Variants in DENND1B observed in about 807,000 individuals in gnomAD.
The protein encoded by DENND1B is DENN domain containing 1B.
DENND1B carries 59 observed loss-of-function variants against 90.1 expected under a neutral mutation model. The observed-to-expected ratio is 0.65, with a 90% CI of 0.53 to 0.81. DENND1B has a LOEUF of 0.81. DENND1B is among the 40% of genes least tolerant of loss of function. DENND1B has a pLI of 0.00. For missense variants in DENND1B, 862 were observed against 912.6 expected (o/e 0.94, Z 0.71); for synonymous variants, 337 against 324.6 (o/e 1.04, Z -0.41).
intron 14 of DENND1B, among the ~76,000 whole-genome samples, chr1:197,593,677 T>G (rs1675438077): frequency 6.6e-6 from 1 of 152,056 alleles, no homozygotes; most frequent in South Asian, 2.1e-4. Flanking sequence ...AAACTGATAG[T>G]TTAAATCATT....
At chr1:197,638,872 A>AT (rs903204555) in intron 10 of DENND1B, among the ~76,000 whole-genome samples, 10 of 8,386 alleles carry the variant, frequency 1.2e-3, no homozygotes, top group East Asian at 0.056. Flanking sequence ...AATCAACAGA[A>AT]TAAAAAAAAA....
At chr1:197,780,302 A>G (rs1480264032), upstream of DENND1B, among the ~76,000 whole-genome samples, 4 of 151,954 alleles carry the variant, frequency 2.6e-5, no homozygotes, top group African/African-American at 9.7e-5. Context: ...AAAAACCCTA[A>G]AGATGAAGAT....
At chr1:197,734,663 A>G (rs1662469351) in intron 2 of DENND1B, 1 of 985,200 alleles carries the variant, frequency 1.0e-6, no homozygotes, top group South Asian at 4.7e-5. Context: ...AAAACCCTAC[A>G]AACAGACAGC....
At chr1:197,550,240 G>T (rs1181536736) in intron 16 of DENND1B, among the ~76,000 whole-genome samples, 2 of 152,074 alleles carry the variant, frequency 1.3e-5, no homozygotes, top group Non-Finnish European at 2.9e-5. Flanking sequence ...ATCAGAGTAG[G>T]AAAGGGTTAA....
rs192202259 is a variant in DENND1B, at chr1:197,622,220, T to C, written c.673-4461A>G. On this transcript the variant is annotated intron_variant, in intron 10 of 22. Transcript: ENST00000620048. ...ACAAATGTTTACATAATGTTTACCATGTGCCAAGAACTGTTATGAGTACTT... is the reference window on the plus strand; with the variant it reads ...ACAAATGTTTACATAATGTTTACCACGTGCCAAGAACTGTTATGAGTACTT... Among the ~76,000 whole-genome samples, 22 of 151,558 alleles carry C rather than the reference T, an allele frequency of 1.5e-4. No homozygotes were observed. In the East Asian group the frequency reaches 3.9e-3, roughly 27 times the overall value.
intron 16 of DENND1B, 115 bp downstream of exon 16, chr1:197,552,907 A>G (rs764011387): frequency 4.2e-5 from 64 of 1,515,228 alleles, no homozygotes; most frequent in Non-Finnish European, 5.5e-5. Context: ...AAGACATTAC[A>G]TATTTAGGAG....
chr1:197,602,475 T>C (rs143254899), intron 13 of DENND1B, among the ~76,000 whole-genome samples: 13 of 151,672 alleles, frequency 8.6e-5, no homozygotes, highest in African/African-American at 3.1e-4. Flanking sequence ...TGAATCTTTC[T>C]AACCTGACCA....
chr1:197,635,056 T>G (rs541869020), intron 10 of DENND1B, among the ~76,000 whole-genome samples: 1 of 151,988 alleles, frequency 6.6e-6, no homozygotes, highest in Admixed American at 6.6e-5. Context: ...AAGGAGGAAG[T>G]AATCAGCACC....
chr1:197,734,696 A>G (rs1305843327), intron 2 of DENND1B: 2 of 985,102 alleles, frequency 2.0e-6, no homozygotes, highest in Non-Finnish European at 2.4e-6. Context: ...ATAAGGGTGT[A>G]ACTACTGTAT....
At chr1:197,538,859 G>T (rs1670115740) in intron 20 of DENND1B, among the ~76,000 whole-genome samples, 1 of 151,768 alleles carries the variant, frequency 6.6e-6, no homozygotes, top group South Asian at 2.1e-4. Context: ...CACCCTCTTG[G>T]GTGGGATTAG....
chr1:197,627,642 C>T (rs1678894009), intron 10 of DENND1B, among the ~76,000 whole-genome samples: 1 of 151,978 alleles, frequency 6.6e-6, no homozygotes. Context: ...CCTCTCTCAC[C>T]ACTCCTATTC....
chr1:197,747,042 A>G, intron 2 of DENND1B: 1 of 803,750 alleles, frequency 1.2e-6, no homozygotes, highest in South Asian at 1.3e-5. Context: ...CAAATCAATC[A>G]TTGACTCCAA....
chr1:197,547,909 T>C (rs1670935737), intron 16 of DENND1B, among the ~76,000 whole-genome samples: 1 of 152,220 alleles, frequency 6.6e-6, no homozygotes, highest in South Asian at 2.1e-4. Context: ...TCAGTTCATA[T>C]ACTTTTTACT....
At position 197,505,444 on chromosome 1, in the gene DENND1B, T is replaced by C. The variant is rs1667685939; in HGVS notation, c.*5016A>G. On this transcript the variant is annotated 3_prime_UTR_variant, in exon 23 of 23. Transcript: ENST00000620048. The stretch of plus-strand genomic sequence containing the variant: ...TTCATCATATCAAAGAAGTAATCAT[T>C]TGTGACTTTCCAATATTTTAAAATA... The C allele has an allele frequency of 6.6e-6, 1 of 151,684 alleles. No individual in the cohort carries two copies. Among genetic ancestry groups the C allele is most frequent in the Non-Finnish European group, 1.5e-5 (1 of 67,762 alleles). The allele number at this position is 151,684 out of a possible 1,614,324, so 9.4% of individuals were successfully genotyped here.
At chr1:197,650,846 T>C (rs923174083) in intron 7 of DENND1B, among the ~76,000 whole-genome samples, 5 of 152,062 alleles carry the variant, frequency 3.3e-5, no homozygotes, top group Non-Finnish European at 7.4e-5. Context: ...AATGATATAA[T>C]GGACTTTGGA....
chr1:197,615,509 A>C (rs1476680110), intron 11 of DENND1B, among the ~76,000 whole-genome samples: 1 of 151,048 alleles, frequency 6.6e-6, no homozygotes, highest in African/African-American at 2.4e-5. Context: ...TCAAATCTTC[A>C]TGACACTATT....
At chr1:197,632,495 C>T (rs1233074485) in intron 10 of DENND1B, among the ~76,000 whole-genome samples, 1 of 152,094 alleles carries the variant, frequency 6.6e-6, no homozygotes, top group Non-Finnish European at 1.5e-5. Context: ...TAATATCTCC[C>T]ATGTTAGAAT....
At chr1:197,619,001 A>C (rs1160347780) in intron 10 of DENND1B, among the ~76,000 whole-genome samples, 1 of 151,168 alleles carries the variant, frequency 6.6e-6, no homozygotes, top group Non-Finnish European at 1.5e-5. Context: ...AAAACCAAAA[A>C]TTTTTATTCA....
At chr1:197,773,326 C>G (rs1169058790) in intron 1 of DENND1B, among the ~76,000 whole-genome samples, 2 of 152,120 alleles carry the variant, frequency 1.3e-5, no homozygotes. Flanking sequence ...CAGAGTGTCC[C>G]TAAGTGTCAT....
Sources: allele counts gnomAD v4.1 joint callset (sites outside exome capture counted in the v4.1 genomes callset), GRCh38; gene constraint gnomAD v4.1.1; transcripts MANE v1.5; gene names NCBI Gene and HGNC (gene_info 2026-07-23, HGNC 2026-07-21).